Variants in RIN2 observed in about 807,000 individuals in gnomAD.
The protein encoded by RIN2 is RAB5 interacting protein 2.
Under a neutral mutation model 78.0 loss-of-function variants are expected in RIN2, and 36 were observed. That is an observed-to-expected ratio of 0.46 (90% confidence interval 0.35 to 0.61). The LOEUF is 0.61. Among genes scored for constraint, RIN2 ranks in the 20% least tolerant of loss-of-function variants. The pLI is 0.00. For synonymous variants in RIN2, 466 were observed against 466.8 expected, an observed-to-expected ratio of 1.00 and a Z score of 0.02; for missense variants, 1,087 against 1,159.7, an observed-to-expected ratio of 0.94 and a Z score of 0.91.
chr20:19,802,356 C>A (rs1157768062), intron 2 of RIN2, among the ~76,000 whole-genome samples: 1 of 151,934 alleles, frequency 6.6e-6, no homozygotes, highest in African/African-American at 2.4e-5. Flanking sequence ...ATGGCCAGGC[C>A]AGGTGTGGTG....
rs576828780 is a variant in RIN2, at chr20:19,883,010, T to A, written c.-36-6556T>A. 1.5e-3 allele frequency among the ~76,000 whole-genome samples: 233 copies of A among 152,296 alleles called. 3 individuals are homozygous for A. The highest frequency in any genetic ancestry group is 5.2e-3 in the African/African-American group (218 of 41,562). The stretch of plus-strand genomic sequence containing the variant: ...TAAGTTTTGGGGGAGTTAAAAGTTG[T>A]ACTCAGATTTTTGACGGCTCAGAAC... On this transcript the variant is annotated intron_variant, in intron 2 of 12. Coordinates refer to ENST00000255006, the MANE Select transcript of RIN2 (RefSeq NM_018993.4).
chr20:19,782,410 C>G (rs1476601897), intron 1 of RIN2, among the ~76,000 whole-genome samples: 1 of 151,932 alleles, frequency 6.6e-6, no homozygotes, highest in South Asian at 2.1e-4. Flanking sequence ...ACTAAAATTA[C>G]AAAAATTATC....
At chr20:19,788,505 G>C (rs919669698) in intron 1 of RIN2, among the ~76,000 whole-genome samples, 2 of 149,848 alleles carry the variant, frequency 1.3e-5, no homozygotes, top group African/African-American at 5.0e-5. Context: ...GGAAGGCTGA[G>C]GCAGGAGAAT....
chr20:19,956,612 T>C lies in RIN2; in HGVS notation c.159-3T>C. On this transcript the variant is annotated splice_region_variant and splice_polypyrimidine_tract_variant and intron_variant, in intron 4 of 12. Coordinates refer to ENST00000255006, the MANE Select transcript of RIN2 (RefSeq NM_018993.4). ...CTGACCGTGCCGCTTCTCTTTCTCC[T>C]AGCATGGTAAGACACAAGGATGGTG... The C allele has an allele frequency of 6.2e-7, 1 of 1,612,750 alleles. No homozygotes were observed. The highest frequency in any genetic ancestry group is 8.5e-7 in the Non-Finnish European group (1 of 1,179,386).
rs2042753965 is a variant in RIN2 at position 19,990,240 on chromosome 20, C to T, written c.1997C>T (p.Ser666Leu). 3 of 1,613,258 alleles carry T rather than the reference C, an allele frequency of 1.9e-6. No homozygotes were observed. Among genetic ancestry groups the T allele is most frequent in the South Asian group, 1.1e-5 (1 of 90,804 alleles). ...TTCATGACCATGCAGAAGATGTATT[C>T]GCCGGAAAAGAAGGTCATGCTGCTG... ...VKFMTMQKMY[S>L]PEKKVMLLLR... Residue 666 changes from serine (S) to leucine (L), a missense_variant, in exon 10 of 13, where the codon TCG becomes TTG. Physicochemically the swap from Ser to Leu is moderately radical, Grantham distance 145. Around this residue, in one of 8 missense-constraint regions of RIN2, gnomAD observed 97 missense variants for 104.8 expected, o/e 0.93. Transcript: ENST00000255006.
intron 2 of RIN2, among the ~76,000 whole-genome samples, chr20:19,882,047 A>G (rs562580035): frequency 6.2e-4 from 94 of 152,330 alleles, no homozygotes; most frequent in South Asian, 1.7e-3. Context: ...TAAATTGATG[A>G]ATTTTATCTT....
intron 2 of RIN2, among the ~76,000 whole-genome samples, chr20:19,844,616 T>C (rs374648886): frequency 2.8e-5 from 2 of 72,212 alleles, no homozygotes; most frequent in African/African-American, 1.0e-4. Flanking sequence ...CTTCTTCTTC[T>C]TCTTCTTCTT....
At chr20:19,773,392 C>A (rs1286107571) in intron 1 of RIN2, among the ~76,000 whole-genome samples, 1 of 152,146 alleles carries the variant, frequency 6.6e-6, no homozygotes, top group Non-Finnish European at 1.5e-5. Context: ...GATGAGATAT[C>A]CAGGAAGTGT....
At chr20:19,934,460 C>T (rs948403339) in intron 3 of RIN2, 28 of 985,006 alleles carry the variant, frequency 2.8e-5, no homozygotes, top group South Asian at 4.7e-5. Context: ...GAGATGGGGC[C>T]GCCTTTTCCC....
At chr20:19,799,944 A>C (rs2035188218) in intron 2 of RIN2, among the ~76,000 whole-genome samples, 197 bp downstream of exon 2, 1 of 152,242 alleles carries the variant, frequency 6.6e-6, no homozygotes, top group African/African-American at 2.4e-5. Context: ...CACTGGCAGC[A>C]GGGCCACATC....
chr20:19,988,821 A>T (rs1383055407), intron 9 of RIN2, among the ~76,000 whole-genome samples: 1 of 152,190 alleles, frequency 6.6e-6, no homozygotes, highest in East Asian at 1.9e-4. Context: ...CAAAAATATC[A>T]TAAAGAAATA....
At chr20:19,911,392 C>G (rs2039459934) in intron 3 of RIN2, among the ~76,000 whole-genome samples, 1 of 152,156 alleles carries the variant, frequency 6.6e-6, no homozygotes, top group Admixed American at 6.5e-5. Context: ...ATAATTTTGT[C>G]TCTATATAGC....
At chr20:19,890,945 A>G (rs944584334) in intron 3 of RIN2, among the ~76,000 whole-genome samples, 21 of 152,228 alleles carry the variant, frequency 1.4e-4, no homozygotes, top group African/African-American at 5.1e-4. Flanking sequence ...AGACTAGTAT[A>G]TTGAAGTGGC....
At chr20:19,766,963 C>A (rs2033912663) in intron 1 of RIN2, among the ~76,000 whole-genome samples, 2 of 151,078 alleles carry the variant, frequency 1.3e-5, no homozygotes, top group African/African-American at 4.9e-5. Flanking sequence ...AGGCTTGGAG[C>A]ACCTAGGGAA....
intron 9 of RIN2, among the ~76,000 whole-genome samples, chr20:19,977,736 A>C (rs1393353666): frequency 6.6e-6 from 1 of 152,154 alleles, no homozygotes; most frequent in Non-Finnish European, 1.5e-5. Context: ...TCAGTAGTTC[A>C]GGGGAATTGT....
intron 1 of RIN2, among the ~76,000 whole-genome samples, chr20:19,764,929 T>TTTTTTTTTTTG (rs2033817009): frequency 7.6e-6 from 1 of 131,306 alleles, no homozygotes; most frequent in Admixed American, 7.9e-5. Flanking sequence ...TTTTTTTTTT[T>TTTTTTTTTTTG]TTTTTTTTTT....
At chr20:19,815,408 G>C (rs1257001900) in intron 2 of RIN2, among the ~76,000 whole-genome samples, 2 of 152,082 alleles carry the variant, frequency 1.3e-5, no homozygotes, top group South Asian at 2.1e-4. Context: ...CAATACATTG[G>C]CTCCCTTTTT....
intron 6 of RIN2, among the ~76,000 whole-genome samples, chr20:19,963,886 C>CA (rs1355581649): frequency 4.7e-5 from 5 of 105,478 alleles, no homozygotes; most frequent in African/African-American, 1.9e-4. Context: ...TTTTTTGAGA[C>CA]AGAGTCTTTC....
intron 2 of RIN2, among the ~76,000 whole-genome samples, chr20:19,831,638 G>T (rs1405844480): frequency 1.3e-5 from 2 of 152,176 alleles, no homozygotes; most frequent in African/African-American, 4.8e-5. Context: ...AAGTACTTGA[G>T]ATTATATCAG....
Sources: allele counts gnomAD v4.1 joint callset (sites outside exome capture counted in the v4.1 genomes callset), GRCh38; gene constraint gnomAD v4.1.1; regional missense constraint gnomAD v4.1.1; transcripts MANE v1.5; gene names NCBI Gene and HGNC (gene_info 2026-07-23, HGNC 2026-07-21).